NXPE1: variants seen among roughly 807,000 people sequenced by gnomAD.
NXPE1 encodes the protein neurexophilin and PC-esterase domain family member 1.
A neutral mutation model predicts 33.3 loss-of-function variants in NXPE1; 31 were observed. The observed-to-expected ratio is 0.93, with a 90% confidence interval of 0.70 to 1.26. The LOEUF is 1.26. NXPE1 is among the 50% of genes most tolerant of loss of function. The probability of loss-of-function intolerance (pLI) is 0.00; values close to 1 mark genes in which losing one functional copy is unlikely to be tolerated. For synonymous variants in NXPE1, 229 were observed against 231.4 expected (o/e 0.99, Z 0.09); for missense variants, 661 against 655.6 (o/e 1.01, Z -0.09).
intron 5 of NXPE1, among the ~76,000 whole-genome samples, chr11:114,542,240 G>C (rs920084649): frequency 6.6e-6 from 1 of 151,926 alleles, no homozygotes; most frequent in African/African-American, 2.4e-5. Context: ...AAATGTTTAA[G>C]AAAATCAAGG....
chr11:114,531,133 AT>A (rs1947563764), intron 5 of NXPE1, among the ~76,000 whole-genome samples: 2 of 151,762 alleles, frequency 1.3e-5, no homozygotes, highest in South Asian at 4.1e-4. Flanking sequence ...ATTATTATCA[AT>A]ATTATTTAAA....
intron 5 of NXPE1, among the ~76,000 whole-genome samples, chr11:114,536,064 G>T (rs1591277238): frequency 6.6e-6 from 1 of 152,178 alleles, no homozygotes; most frequent in East Asian, 1.9e-4. Flanking sequence ...TAAAAGAACA[G>T]AAATTATAAC....
chr11:114,540,563 G>A (rs1948054111), intron 5 of NXPE1, among the ~76,000 whole-genome samples: 1 of 152,046 alleles, frequency 6.6e-6, no homozygotes, highest in Admixed American at 6.6e-5. Flanking sequence ...AGTATGGATG[G>A]GAAATAATTT....
At chr11:114,537,881 C>T (rs9666158) in intron 5 of NXPE1, among the ~76,000 whole-genome samples, 34,049 of 151,464 alleles carry the variant, frequency 0.22, 5,367 homozygotes, top group African/African-American at 0.44. Context: ...GATTCAATGC[C>T]ATCCCCATCA....
chr11:114,533,312 C>T (rs1227974978), intron 5 of NXPE1, among the ~76,000 whole-genome samples: 3 of 152,108 alleles, frequency 2.0e-5, no homozygotes, highest in African/African-American at 7.2e-5. Flanking sequence ...GGGGTGGAGC[C>T]AAGATGGCAG....
intron 5 of NXPE1, among the ~76,000 whole-genome samples, chr11:114,537,267 G>C (rs1947867625): frequency 6.6e-6 from 1 of 152,190 alleles, no homozygotes. Context: ...ATTAGGTATT[G>C]ATGGGACATA....
At chr11:114,527,724 A>G (rs1947418665) in intron 7 of NXPE1, 116 bp downstream of exon 7, 4 of 615,988 alleles carry the variant, frequency 6.5e-6, no homozygotes, top group Non-Finnish European at 5.5e-6. Flanking sequence ...GTCCAGCATG[A>G]TTGACATCAT....
chr11:114,525,571 C>A (rs894557200), intron 7 of NXPE1, among the ~76,000 whole-genome samples: 5 of 152,082 alleles, frequency 3.3e-5, no homozygotes, highest in Admixed American at 3.3e-4. Context: ...TCCCCCTTCC[C>A]CCCTTACTAT....
chr11:114,528,882 A>C (rs1241438405), intron 6 of NXPE1: 1 of 615,110 alleles, frequency 1.6e-6, no homozygotes, highest in East Asian at 2.8e-5. Flanking sequence ...GGATTTAGGC[A>C]TAAGGATGGT....
intron 5 of NXPE1, among the ~76,000 whole-genome samples, chr11:114,539,618 T>G (rs567726636): frequency 6.6e-6 from 1 of 152,332 alleles, no homozygotes; most frequent in African/African-American, 2.4e-5. Context: ...TCTGTATTTC[T>G]AATTAAATTC....
exon 9 of NXPE1, chr11:114,522,410 T>C (rs777139851): frequency 4.3e-6 from 7 of 1,613,926 alleles, no homozygotes; most frequent in African/African-American, 1.3e-5. Flanking sequence ...GGGATAGCTA[T>C]GTTTTTTCCA....
At position 114,526,902 on chromosome 11, in the gene NXPE1, A is replaced by T. The variant is rs553032891; in HGVS notation, c.895+938T>A. Among the ~76,000 whole-genome samples, 4 of 152,202 alleles carry T rather than the reference A, an allele frequency of 2.6e-5. No homozygotes were observed. In the South Asian group the frequency reaches 8.3e-4, roughly 32 times the overall value. ...TATTATTATTTGCTTAAATCCAGCA[A>T]CACTACCCATGATCTTTATGAGGTT... is the stretch of plus-strand genomic sequence containing the variant. On this transcript the variant is annotated intron_variant, in intron 7 of 8. Transcript: ENST00000534921.
At chr11:114,526,231 T>C (rs973552857) in intron 7 of NXPE1, among the ~76,000 whole-genome samples, 3 of 152,202 alleles carry the variant, frequency 2.0e-5, no homozygotes, top group Admixed American at 6.5e-5. Flanking sequence ...TACCTTGGGA[T>C]TAGCTCAATG....
intron 5 of NXPE1, among the ~76,000 whole-genome samples, chr11:114,541,162 A>T (rs558836680): frequency 6.6e-6 from 1 of 152,260 alleles, no homozygotes; most frequent in South Asian, 2.1e-4. Flanking sequence ...TAGCAAAAAC[A>T]TCGACACTAT....
chr11:114,558,776 T>G (rs1007002033), intron 1 of NXPE1, among the ~76,000 whole-genome samples: 3 of 152,196 alleles, frequency 2.0e-5, no homozygotes, highest in African/African-American at 7.2e-5. Flanking sequence ...ATGGCAATAT[T>G]TCTGTTAGTT....
intron 1 of NXPE1, among the ~76,000 whole-genome samples, chr11:114,555,964 A>G (rs1352408364): frequency 4.6e-5 from 7 of 152,212 alleles, no homozygotes. Context: ...GCTGCTCTGA[A>G]TATTCATATA....
chr11:114,552,317 A>T (rs1382209238), intron 2 of NXPE1, among the ~76,000 whole-genome samples: 1 of 152,122 alleles, frequency 6.6e-6, no homozygotes, highest in Admixed American at 6.6e-5. Context: ...AAGAGAAGAC[A>T]AGGGGCAGCT....
At chr11:114,559,499 C>G (rs1948729046) in intron 1 of NXPE1, among the ~76,000 whole-genome samples, 1 of 152,136 alleles carries the variant, frequency 6.6e-6, no homozygotes. Context: ...TTGCTTCCCA[C>G]AAAGCACTGG....
intron 5 of NXPE1, among the ~76,000 whole-genome samples, chr11:114,537,438 A>T (rs1947876160): frequency 6.6e-6 from 1 of 152,198 alleles, no homozygotes; most frequent in African/African-American, 2.4e-5. Flanking sequence ...CAAGAAAATG[A>T]GGCAGGAGAA....
Sources: gnomAD v4.1 joint callset for allele counts (sites outside exome capture counted in the v4.1 genomes callset) on GRCh38, gnomAD v4.1.1 for gene constraint, MANE v1.5 for transcripts, NCBI Gene and HGNC (gene_info 2026-07-23, HGNC 2026-07-21) for gene names.